The following ECEL1 variants were observed in gnomAD, a reference collection of about 807,000 sequenced individuals.
ECEL1 encodes the protein endothelin-converting enzyme-like 1.
A neutral mutation model predicts 101.8 loss-of-function variants in ECEL1; 87 were observed. That is an observed-to-expected ratio of 0.85 (90% confidence interval 0.72 to 1.02). ECEL1 has a LOEUF of 1.02. ECEL1 is among the 50% of genes least tolerant of loss of function. ECEL1 has a pLI of 0.00. For synonymous variants in ECEL1, 487 were observed against 468.7 expected (o/e 1.04, Z -0.50); for missense variants, 1,032 against 1,079.2 (o/e 0.96, Z 0.61).
chr2:232,485,781 C>T, intron 2 of ECEL1, 87 bp downstream of exon 2: 1 of 1,488,404 alleles, frequency 6.7e-7, no homozygotes, highest in South Asian at 1.3e-5. Flanking sequence ...TCTCACGCAC[C>T]CGCCTCCCGC....
Position 232,483,141 on chromosome 2 carries a change from G to T in ECEL1, c.1545C>A (p.Phe515Leu). The T allele has an allele frequency of 6.2e-7, 1 of 1,609,466 alleles. No individual in the cohort carries two copies. The highest frequency in any genetic ancestry group is 8.5e-7 in the Non-Finnish European group (1 of 1,178,360). The change falls in exon 9 of 18, where the codon TTC (phenylalanine) becomes TTA (leucine). Residue 515 changes from phenylalanine to leucine, a missense_variant. Physicochemically the swap from Phe to Leu is conservative, Grantham distance 22 (BLOSUM62 0). Coordinates refer to ENST00000304546, the MANE Select transcript of ECEL1 (RefSeq NM_004826.4). The part of the protein sequence containing the change: ...YMMVMVGYPD[F>L]LLKPDAVDKE... The stretch of plus-strand genomic sequence containing the variant: ...TGTCCACAGCATCGGGTTTCAGCAG[G>T]AAGTCCGGGTAGCCGACCATCACCA...
Position 232,481,569 on chromosome 2 carries a change from G to A in ECEL1, c.1926C>T (p.Arg642=). Residue 642 remains arginine, a synonymous_variant, in exon 14 of 18, where the codon CGC becomes CGT. Coordinates refer to ENST00000304546, the MANE Select transcript of ECEL1 (RefSeq NM_004826.4). ...CGATGCACTCAGCCTTTCGCAGGAA[G>A]CGGCTGTAGGAGGCCTCCGTCCACC... ...LHWWTEASYS[R]FLRKAECIVR... 6 of 1,613,846 alleles carry A rather than the reference G, an allele frequency of 3.7e-6. No individual in the cohort carries two copies. Among genetic ancestry groups the A allele is most frequent in the Non-Finnish European group, 5.1e-6 (6 of 1,180,012 alleles).
In ECEL1 at chr2:232,482,967, C is replaced by G; in HGVS notation, c.1582-13G>C. The G allele has an allele frequency of 6.2e-7, 1 of 1,614,028 alleles. No individual in the cohort carries two copies. The highest frequency in any genetic ancestry group is 8.5e-7 in the Non-Finnish European group (1 of 1,179,974). ...CATGGACCTCAAACTGCAGGAGGCA[C>G]GGGCGACACTCAGCGGCAGGCCAGG... On this transcript the variant is annotated splice_polypyrimidine_tract_variant and intron_variant, in intron 9 of 17. Transcript: ENST00000304546.
intron 8 of ECEL1, 94 bp downstream of exon 8, chr2:232,483,322 G>C (rs549291711): frequency 5.0e-5 from 78 of 1,544,588 alleles, no homozygotes; most frequent in Non-Finnish European, 6.2e-5. Context: ...TCAACTCCAC[G>C]AAGGCCTCTT....
At chr2:232,481,379 A>G in intron 14 of ECEL1, 127 bp downstream of exon 14, 1 of 1,471,576 alleles carries the variant, frequency 6.8e-7, no homozygotes. Context: ...GTGGGAACCG[A>G]ATGTGTGTGC....
chr2:232,480,048 G>T lies in ECEL1; in HGVS notation c.*105C>A. On this transcript the variant is annotated 3_prime_UTR_variant, in exon 18 of 18. Transcript: ENST00000304546. ...CGGGTCCTGGAGGGGCTGGAAGGCA[G>T]GTGGTGCCCAGAGCGGGGCTGGCAC... 1 of 1,117,748 alleles carries T rather than the reference G, an allele frequency of 8.9e-7. No homozygotes were observed. The allele number at this position is 1,117,748 out of a possible 1,614,324, so 69.2% of individuals were successfully genotyped here.
chr2:232,482,658 T>TA (rs1194143487), intron 10 of ECEL1, 50 bp from the exon 11 acceptor site: 1 of 1,572,288 alleles, frequency 6.4e-7, no homozygotes, highest in Non-Finnish European at 8.7e-7. Flanking sequence ...CCTCCCCCGC[T>TA]ACCCTCACAT....
chr2:232,484,624 G>A (rs1690672846), intron 5 of ECEL1, 28 bp from the exon 6 acceptor site: 3 of 1,612,130 alleles, frequency 1.9e-6, no homozygotes, highest in Non-Finnish European at 2.5e-6. Context: ...GGGACAGTGA[G>A]GCTAGGGTTG....
chr2:232,481,583 C>A lies in ECEL1; in HGVS notation c.1912G>T (p.Ala638Ser), dbSNP rs1369309266. 8.1e-6 allele frequency: 13 copies of A among 1,613,786 alleles called. No individual in the cohort carries two copies. Among genetic ancestry groups the A allele is most frequent in the Non-Finnish European group, 1.1e-5 (13 of 1,180,004 alleles). The change falls in exon 14 of 18, where the codon GCC (alanine) becomes TCC (serine). Residue 638 changes from alanine to serine, a missense_variant. Physicochemically the swap from Ala to Ser is moderately conservative, Grantham distance 99. Transcript: ENST00000304546. The stretch of plus-strand genomic sequence containing the variant: ...TTTCGCAGGAAGCGGCTGTAGGAGG[C>A]CTCCGTCCACCAGTGCAGCAGGTTC... ...SGNLLHWWTE[A>S]SYSRFLRKAE... is the part of the protein sequence containing the mutation.
intron 12 of ECEL1, among the ~76,000 whole-genome samples, chr2:232,482,139 C>T (rs1690597425): frequency 6.6e-6 from 1 of 152,254 alleles, no homozygotes; most frequent in Admixed American, 6.5e-5. Flanking sequence ...GTAGGGGTTT[C>T]TCCTCCTACC....
chr2:232,482,638 G>C, intron 10 of ECEL1, 30 bp from the exon 11 acceptor site: 1 of 1,593,704 alleles, frequency 6.3e-7, no homozygotes, highest in Non-Finnish European at 8.6e-7. Context: ...TGAATGGGGG[G>C]AACACACTCC....
chr2:232,481,094 G>A lies in ECEL1; in HGVS notation c.2052C>T (p.Tyr684=). 2 of 1,559,544 alleles carry A rather than the reference G, an allele frequency of 1.3e-6. No individual in the cohort carries two copies. The highest frequency in any genetic ancestry group is 1.4e-5 in the African/African-American group (1 of 73,690). ...GGAGCACAGGCAGGCCGCTCACGTG[G>A]TAGGCCAGCTTGAGGCCGCCCATAT... ...IADMGGLKLA[Y]HAYQKWVREH... is the part of the protein sequence containing the mutation. Residue 684 remains tyrosine, a synonymous_variant, in exon 15 of 18, where the codon TAC becomes TAT. Coordinates refer to ENST00000304546, the MANE Select transcript of ECEL1 (RefSeq NM_004826.4).
chr2:232,486,645 G>A lies in ECEL1; in HGVS notation c.9C>T (p.Pro3=). ME[P]PYSLTAHYDE... ...CGTAGTGCGCCGTCAGCGAATACGGGGGCTCCATGGCGCCGAGGCCGCCGC... is the reference window on the plus strand; with the variant it reads ...CGTAGTGCGCCGTCAGCGAATACGGAGGCTCCATGGCGCCGAGGCCGCCGC... Residue 3 remains proline (P), a synonymous_variant, in exon 2 of 18, where the codon CCC becomes CCT. Transcript: ENST00000304546. 1 of 1,528,880 alleles carries A rather than the reference G, an allele frequency of 6.5e-7. No individual in the cohort carries two copies. The highest frequency in any genetic ancestry group is 1.9e-5 in the Admixed American group (1 of 51,682). 94.7% of individuals were successfully genotyped at this position (1,528,880 alleles called of 1,614,324 possible). A position where few individuals can be genotyped will look rare whatever the true frequency, so the allele number is the denominator to read the frequency against.
intron 14 of ECEL1, among the ~76,000 whole-genome samples, 171 bp downstream of exon 14, chr2:232,481,335 T>C (rs1391355931): frequency 6.6e-6 from 1 of 152,234 alleles, no homozygotes; most frequent in African/African-American, 2.4e-5. Context: ...TCCGTAAGTC[T>C]GCGGACACTC....
rs1351592779 is a variant in ECEL1, at chr2:232,486,724, C to A, written c.-71G>T. On this transcript the variant is annotated 5_prime_UTR_variant, in exon 2 of 18. Transcript: ENST00000304546. The stretch of plus-strand genomic sequence containing the variant: ...GGATGCGCGTGGCCGCCGGCCTCCT[C>A]GTGGGCCTCCGCATGGCCCTGGGGC... 10 of 1,372,964 alleles carry A rather than the reference C, an allele frequency of 7.3e-6. No individual in the cohort carries two copies. Among genetic ancestry groups the A allele is most frequent in the East Asian group, 3.0e-5 (1 of 33,022 alleles). The allele number at this position is 1,372,964 out of a possible 1,614,324, so 85.0% of individuals were successfully genotyped here.
rs1690657433 is a variant in ECEL1 at position 232,484,102 on chromosome 2, C to T, written c.1306G>A (p.Glu436Lys). The T allele has an allele frequency of 6.2e-7, 1 of 1,613,692 alleles. No individual in the cohort carries two copies. Among genetic ancestry groups the T allele is most frequent in the Non-Finnish European group, 8.5e-7 (1 of 1,180,034 alleles). ...TGGCCCAAGCAGACCCGGGCCAGCTCCTGTGGCTTGTCGCTGCCCTCCATC... is the reference window on the plus strand; with the variant it reads ...TGGCCCAAGCAGACCCGGGCCAGCTTCTGTGGCTTGTCGCTGCCCTCCATC... The part of the protein sequence containing the change: ...QEMEGSDKPQ[E>K]LARVCLGQAN... The change falls in exon 7 of 18, where the codon GAG becomes AAG. Residue 436 changes from glutamate to lysine, a missense_variant. Glu to Lys is a moderately conservative substitution (Grantham distance 56). Coordinates refer to ENST00000304546, the MANE Select transcript of ECEL1 (RefSeq NM_004826.4).
At chr2:232,483,352 C>A in intron 8 of ECEL1, 64 bp downstream of exon 8, 2 of 1,563,972 alleles carry the variant, frequency 1.3e-6, no homozygotes, top group East Asian at 2.2e-5. Flanking sequence ...TGTTCTCTTT[C>A]GCTGGTACAC....
Position 232,480,671 on chromosome 2 carries a change from C to T in ECEL1, c.2151+47G>A, listed in dbSNP as rs778737118. The T allele has an allele frequency of 1.7e-5, 27 of 1,597,142 alleles. No individual in the cohort carries two copies. In the East Asian group the frequency reaches 3.1e-4, roughly 19 times the overall value. On this transcript the variant is annotated intron_variant, in intron 16 of 17. Transcript: ENST00000304546. ...CAGGACTGGGACTGACCCTGGATGC[C>T]GTGTCCCCACCCCAAGGCTCCCAGT...
chr2:232,482,298 T>C (rs1410514647), intron 12 of ECEL1, 120 bp downstream of exon 12: 3 of 1,381,832 alleles, frequency 2.2e-6, no homozygotes, highest in Non-Finnish European at 3.1e-6. Flanking sequence ...CTGTCCTGAC[T>C]CCTGAACCCA....
Sources: allele counts gnomAD v4.1 joint callset (sites outside exome capture counted in the v4.1 genomes callset), GRCh38; gene constraint gnomAD v4.1.1; transcripts MANE v1.5; gene names NCBI Gene and HGNC (gene_info 2026-07-23, HGNC 2026-07-21).